Variants in SPAG9 observed in about 807,000 individuals in gnomAD.
SPAG9 encodes sperm associated antigen 9.
SPAG9 carries 35 observed loss-of-function variants against 166.5 expected under a neutral mutation model. The ratio of observed to expected loss-of-function variants is 0.21; its 90% CI spans 0.16 to 0.28. The LOEUF is 0.28. Among genes scored for constraint, SPAG9 ranks in the 10% least tolerant of loss-of-function variants. The pLI is 1.00. For synonymous variants in SPAG9, 534 were observed against 565.5 expected (o/e 0.94, Z 0.79); for missense variants, 1,235 against 1,603.3 (o/e 0.77, Z 3.92).
At chr17:51,009,467 T>C (rs2045370358) in intron 9 of SPAG9, among the ~76,000 whole-genome samples, 1 of 152,194 alleles carries the variant, frequency 6.6e-6, no homozygotes, top group Admixed American at 6.5e-5. Context: ...CTCAGTGGGC[T>C]TAGAAAATTC....
chr17:51,083,779 G>A (rs1279791177), intron 1 of SPAG9, among the ~76,000 whole-genome samples: 1 of 151,802 alleles, frequency 6.6e-6, no homozygotes, highest in African/African-American at 2.4e-5. Flanking sequence ...TTAATCATTA[G>A]GGGGTCCAAA....
chr17:51,064,780 T>C (rs2047614030), intron 2 of SPAG9, among the ~76,000 whole-genome samples: 1 of 152,160 alleles, frequency 6.6e-6, no homozygotes, highest in Non-Finnish European at 1.5e-5. Context: ...GTGGCGATTG[T>C]ACAACCTTGA....
rs57533555 is a variant in SPAG9, at chr17:51,075,195, CAAAAAAA to C, written c.424+4382_424+4388del. On this transcript the variant is annotated intron_variant, in intron 2 of 29. Coordinates refer to ENST00000262013, the MANE Select transcript of SPAG9 (RefSeq NM_001130528.3). The stretch of plus-strand genomic sequence containing the variant: ...TGGGCAACAGAGCCAGACTCCATCT[CAAAAAAA>C]AAAAAAAAAAAAAAAAAAAGAAGAA... Among the ~76,000 whole-genome samples the C allele has an allele frequency of 0.023, 672 of 28,924 alleles. 12 individuals carry two copies. In the East Asian group the frequency reaches 0.3, roughly 13 times the overall value. The allele number at this position is 28,924 out of a possible 152,430, so 19.0% of individuals were successfully genotyped here.
At chr17:51,073,723 AAAGG>A (rs2047888993) in intron 2 of SPAG9, among the ~76,000 whole-genome samples, 1 of 152,196 alleles carries the variant, frequency 6.6e-6, no homozygotes, top group East Asian at 1.9e-4. Flanking sequence ...GAAAAAAACA[AAAGG>A]AAGAGAAAGG....
At chr17:51,099,939 A>C (rs1239027692) in intron 1 of SPAG9, among the ~76,000 whole-genome samples, 1 of 151,798 alleles carries the variant, frequency 6.6e-6, no homozygotes, top group African/African-American at 2.4e-5. Flanking sequence ...GTCTCTACCA[A>C]AAATAAAAAA....
At position 51,011,983 on chromosome 17, in the gene SPAG9, T is replaced by C. The variant is rs536029883; in HGVS notation, c.1213+2249A>G. On this transcript the variant is annotated intron_variant, in intron 9 of 29. Coordinates refer to ENST00000262013, the MANE Select transcript of SPAG9 (RefSeq NM_001130528.3). ...CCAACCTTAAACATTTTATCACTCA[T>C]TACTGCATTATGAGGTAACACAGTG... Among the ~76,000 whole-genome samples the C allele has an allele frequency of 4.3e-4, 65 of 152,324 alleles. No individual in the cohort carries two copies. In the South Asian group the frequency reaches 0.013, roughly 30 times the overall value.
At chr17:51,059,771 A>AAAACAAAC (rs71149339) in intron 2 of SPAG9, among the ~76,000 whole-genome samples, 1 of 150,790 alleles carries the variant, frequency 6.6e-6, no homozygotes, top group East Asian at 2.0e-4. Flanking sequence ...TCCATCTCAA[A>AAAACAAAC]AAACAAACAA....
intron 2 of SPAG9, among the ~76,000 whole-genome samples, chr17:51,078,266 C>T (rs2048070748): frequency 6.6e-6 from 1 of 152,216 alleles, no homozygotes; most frequent in South Asian, 2.1e-4. Context: ...TGGCCCTCTT[C>T]TAGGACATCT....
chr17:51,040,196 G>A (rs1006495776), intron 5 of SPAG9, among the ~76,000 whole-genome samples: 5 of 148,472 alleles, frequency 3.4e-5, no homozygotes, highest in Non-Finnish European at 7.4e-5. Flanking sequence ...GAAATGAGCT[G>A]AGATCTCACC....
At chr17:51,005,387 A>G in intron 11 of SPAG9, 124 bp from the exon 12 acceptor site, 1 of 815,772 alleles carries the variant, frequency 1.2e-6, no homozygotes, top group Non-Finnish European at 2.0e-6. Flanking sequence ...CAAACAGGGT[A>G]TTTAGCCACC....
chr17:51,111,573 G>C (rs1385861455), intron 1 of SPAG9, among the ~76,000 whole-genome samples: 1 of 151,986 alleles, frequency 6.6e-6, no homozygotes, highest in Non-Finnish European at 1.5e-5. Flanking sequence ...ACTATACCCA[G>C]TTTGGTGTCC....
At chr17:50,980,004 C>G (rs915961074) in intron 25 of SPAG9, 87 bp from the exon 26 acceptor site, 4 of 1,219,982 alleles carry the variant, frequency 3.3e-6, no homozygotes, top group Non-Finnish European at 4.7e-6. Context: ...AGTTAGCAGA[C>G]TATTAAAAGA....
In SPAG9 at chr17:51,113,593, CT is replaced by C. The variant is rs557388454; in HGVS notation, c.303+6760del. 1.6e-3 allele frequency among the ~76,000 whole-genome samples: 240 copies of C among 150,280 alleles called. 2 individuals are homozygous for C. Among genetic ancestry groups the C allele is most frequent in the Non-Finnish European group, 3.1e-4 (21 of 67,602 alleles). ...TACTCAGGAGGATGAGGCAGGAGAACTGCTTGAACCCGGGAGGCAGAGGTTG... is the reference window on the plus strand; with the variant it reads ...TACTCAGGAGGATGAGGCAGGAGAACGCTTGAACCCGGGAGGCAGAGGTTG... On this transcript the variant is annotated intron_variant, in intron 1 of 29. Coordinates refer to ENST00000262013, the MANE Select transcript of SPAG9 (RefSeq NM_001130528.3).
chr17:50,975,929 A>T (rs1246850156), intron 27 of SPAG9: 1 of 1,521,036 alleles, frequency 6.6e-7, no homozygotes, highest in Non-Finnish European at 8.8e-7. Flanking sequence ...GAAAGGGGAC[A>T]TGGAGAGGTG....
chr17:51,111,990 G>A (rs1197414346), intron 1 of SPAG9, among the ~76,000 whole-genome samples: 1 of 151,988 alleles, frequency 6.6e-6, no homozygotes, highest in African/African-American at 2.4e-5. Context: ...TTCACATTCA[G>A]AAATCTCAAA....
chr17:51,116,667 GGCAAGAGGA>G (rs1199633707), intron 1 of SPAG9, among the ~76,000 whole-genome samples: 1 of 152,188 alleles, frequency 6.6e-6, no homozygotes, highest in Non-Finnish European at 1.5e-5. Context: ...AGGAGGCTGA[GGCAAGAGGA>G]TCACTTGAGC....
At chr17:50,985,568 A>T (rs1471860461) in intron 23 of SPAG9, 130 bp downstream of exon 23, 1 of 581,300 alleles carries the variant, frequency 1.7e-6, no homozygotes, top group Non-Finnish European at 3.0e-6. Context: ...TTCCATAAAA[A>T]GGGTTAAAAA....
intron 4 of SPAG9, 75 bp downstream of exon 4, chr17:51,047,300 A>C: frequency 1.2e-6 from 1 of 862,412 alleles, no homozygotes; most frequent in Admixed American, 2.4e-5. Context: ...CCAGGATTAA[A>C]GAACAGAGAA....
intron 15 of SPAG9, 97 bp from the exon 16 acceptor site, chr17:50,996,791 C>T (rs186433078): frequency 9.7e-6 from 11 of 1,134,380 alleles, no homozygotes; most frequent in Non-Finnish European, 1.4e-5. Flanking sequence ...GCAAAAACAA[C>T]AAAAATTTAC....
Sources: gnomAD v4.1 joint callset for allele counts (sites outside exome capture counted in the v4.1 genomes callset) on GRCh38, gnomAD v4.1.1 for gene constraint, MANE v1.5 for transcripts, NCBI Gene and HGNC (gene_info 2026-07-23, HGNC 2026-07-21) for gene names.